The following FRMD4A variants were observed in gnomAD, a reference collection of about 807,000 sequenced individuals.
FRMD4A encodes FERM domain-containing protein 4A.
FRMD4A carries 29 observed loss-of-function variants against 129.1 expected under a neutral mutation model. That is an observed-to-expected ratio of 0.22 (90% CI 0.17 to 0.31). The LOEUF (loss-of-function observed/expected upper bound fraction) is 0.31. FRMD4A is among the 10% of genes least tolerant of loss of function. FRMD4A has a pLI of 1.00. For missense variants in FRMD4A, 1,272 were observed against 1,375.8 expected, an observed-to-expected ratio of 0.92 and a Z score of 1.19; for synonymous variants, 634 against 571.6, an observed-to-expected ratio of 1.11 and a Z score of -1.56.
At chr10:14,291,345 CA>C (rs1845845348) in intron 2 of FRMD4A, among the ~76,000 whole-genome samples, 1 of 152,092 alleles carries the variant, frequency 6.6e-6, no homozygotes, top group South Asian at 2.1e-4. Context: ...AGCCTGACAA[CA>C]GCACATGGGT....
intron 2 of FRMD4A, among the ~76,000 whole-genome samples, chr10:14,285,566 G>C (rs1845655167): frequency 6.6e-6 from 1 of 152,214 alleles, no homozygotes; most frequent in African/African-American, 2.4e-5. Flanking sequence ...ACACTGGTCT[G>C]TTCCCTGGTT....
At chr10:13,903,572 TG>T (rs1158891239) in intron 2 of FRMD4A, among the ~76,000 whole-genome samples, 1 of 148,218 alleles carries the variant, frequency 6.7e-6, no homozygotes, top group East Asian at 2.0e-4. Flanking sequence ...CTACAAAAAA[TG>T]TTTTTAAATA....
rs548352634 is a variant in FRMD4A, at chr10:14,098,343, C to A, written c.45+231715G>T. On this transcript the variant is annotated intron_variant, in intron 2 of 24. Coordinates refer to ENST00000357447, the MANE Select transcript of FRMD4A (RefSeq NM_018027.5). ...CTCCAATATTCTCAACGCAACATTT[C>A]TCAACATTTCCTTGACTGATAAAGG... is the stretch of plus-strand genomic sequence containing the variant. 1.4e-3 allele frequency among the ~76,000 whole-genome samples: 216 copies of A among 151,084 alleles called. 3 individuals carry two copies. Among genetic ancestry groups the A allele is most frequent in the African/African-American group, 5.1e-3 (212 of 41,358 alleles).
rs555423738 is a variant in FRMD4A at position 13,738,582 on chromosome 10, G to T, written c.673-652C>A. ...TGGACAGGGTAGCACAGTGGAAGCT[G>T]AAACAGTCTCAGGACTGAATTAGAA... On this transcript the variant is annotated intron_variant, in intron 11 of 24. Coordinates refer to ENST00000357447, the MANE Select transcript of FRMD4A (RefSeq NM_018027.5). Among the ~76,000 whole-genome samples the T allele has an allele frequency of 4.3e-4, 65 of 152,224 alleles. 1 individual carries two copies. The highest frequency in any genetic ancestry group is 1.5e-3 in the African/African-American group (64 of 41,558).
intron 2 of FRMD4A, among the ~76,000 whole-genome samples, chr10:14,175,440 A>T (rs958399816): frequency 1.3e-5 from 2 of 150,600 alleles, no homozygotes; most frequent in Admixed American, 6.6e-5. Flanking sequence ...CCGTTCACAC[A>T]TCAGCATTCC....
At chr10:13,665,080 C>T (rs1413225451) in intron 18 of FRMD4A, among the ~76,000 whole-genome samples, 2 of 152,118 alleles carry the variant, frequency 1.3e-5, no homozygotes, top group Admixed American at 1.3e-4. Flanking sequence ...ACACTTTGGT[C>T]AAGCTGGTCT....
At chr10:13,702,523 T>C (rs1490845433) in intron 13 of FRMD4A, among the ~76,000 whole-genome samples, 1 of 144,448 alleles carries the variant, frequency 6.9e-6, no homozygotes, top group Non-Finnish European at 1.5e-5. Flanking sequence ...AAATGAAATC[T>C]AAGAATGTGT....
At chr10:13,998,359 G>C (rs1414609207) in intron 2 of FRMD4A, among the ~76,000 whole-genome samples, 1 of 152,174 alleles carries the variant, frequency 6.6e-6, no homozygotes, top group Non-Finnish European at 1.5e-5. Context: ...TGAATGTAGA[G>C]TTGAGAAGAA....
At chr10:13,957,642 GCA>G (rs776128927) in intron 2 of FRMD4A, among the ~76,000 whole-genome samples, 119 of 152,318 alleles carry the variant, frequency 7.8e-4, no homozygotes, top group African/African-American at 2.5e-3. Flanking sequence ...GCTAGAGAAA[GCA>G]CAGTGTCTCA....
intron 3 of FRMD4A, among the ~76,000 whole-genome samples, chr10:13,845,865 G>C (rs2094037509): frequency 6.6e-6 from 1 of 152,234 alleles, no homozygotes; most frequent in Non-Finnish European, 1.5e-5. Flanking sequence ...TCAAGCATCA[G>C]AGTCAGGTTT....
intron 3 of FRMD4A, among the ~76,000 whole-genome samples, chr10:13,850,815 G>A (rs1313494416): frequency 3.3e-5 from 5 of 152,354 alleles, no homozygotes; most frequent in South Asian, 2.1e-4. Context: ...CACTAGCTAC[G>A]TGACCTTGAG....
intron 2 of FRMD4A, among the ~76,000 whole-genome samples, chr10:13,864,145 G>T (rs1564932689): frequency 1.3e-5 from 2 of 151,758 alleles, no homozygotes. Context: ...ACAGGTGCCT[G>T]CCAACACGCT....
intron 2 of FRMD4A, among the ~76,000 whole-genome samples, chr10:13,989,220 CA>C (rs1159705539): frequency 6.6e-6 from 1 of 152,102 alleles, no homozygotes; most frequent in East Asian, 1.9e-4. Context: ...GAGTGGGTAT[CA>C]GGGGTCCTGG....
At chr10:13,970,489 C>A (rs1233819268) in intron 2 of FRMD4A, among the ~76,000 whole-genome samples, 1 of 152,178 alleles carries the variant, frequency 6.6e-6, no homozygotes, top group Non-Finnish European at 1.5e-5. Flanking sequence ...GAATTATAGA[C>A]CACCAAATTA....
intron 2 of FRMD4A, among the ~76,000 whole-genome samples, chr10:14,071,835 G>A (rs1835332890): frequency 6.6e-6 from 1 of 152,162 alleles, no homozygotes; most frequent in Non-Finnish European, 1.5e-5. Flanking sequence ...AACACTGGGT[G>A]AGGGTGGACT....
intron 5 of FRMD4A, among the ~76,000 whole-genome samples, chr10:13,785,138 A>G (rs1363206070): frequency 6.6e-6 from 1 of 152,196 alleles, no homozygotes; most frequent in African/African-American, 2.4e-5. Flanking sequence ...CACACTAAAT[A>G]AATAAATAAA....
chr10:13,707,675 A>T (rs1220930792), intron 12 of FRMD4A: 1 of 985,770 alleles, frequency 1.0e-6, no homozygotes, highest in African/African-American at 1.7e-5. Flanking sequence ...CAAAGGGCGG[A>T]GGAGGCTGGG....
intron 4 of FRMD4A, among the ~76,000 whole-genome samples, chr10:13,801,833 C>T (rs771259578): frequency 4.6e-5 from 7 of 152,130 alleles, no homozygotes; most frequent in Non-Finnish European, 1.0e-4. Flanking sequence ...TCAAGTGCCT[C>T]CCTCAAACCT....
intron 15 of FRMD4A, among the ~76,000 whole-genome samples, chr10:13,687,693 C>T (rs1307462512): frequency 6.6e-6 from 1 of 152,162 alleles, no homozygotes; most frequent in Non-Finnish European, 1.5e-5. Context: ...CAGAGAGACG[C>T]AGCTACAAAT....
Sources: gnomAD v4.1 joint callset for allele counts (sites outside exome capture counted in the v4.1 genomes callset) on GRCh38, gnomAD v4.1.1 for gene constraint, MANE v1.5 for transcripts, NCBI Gene and HGNC (gene_info 2026-07-23, HGNC 2026-07-21) for gene names.